Variants in TMPRSS11E observed in about 807,000 individuals in gnomAD.
The protein encoded by TMPRSS11E is transmembrane protease serine 11E.
TMPRSS11E carries 38 observed loss-of-function variants against 48.1 expected under a neutral mutation model. That is an observed-to-expected ratio of 0.79 (90% confidence interval 0.61 to 1.04). The LOEUF is 1.04. Ranked by LOEUF, TMPRSS11E falls within the 50% of genes least tolerant of loss-of-function variation. TMPRSS11E has a pLI of 0.00. For missense variants in TMPRSS11E, 530 were observed against 510.8 expected, an observed-to-expected ratio of 1.04 and a Z score of -0.36; for synonymous variants, 158 against 171.9, an observed-to-expected ratio of 0.92 and a Z score of 0.63.
Position 68,477,501 on chromosome 4 carries a change from T to C in TMPRSS11E, c.840T>C (p.Leu280=), listed in dbSNP as rs1240873447. 27 of 1,614,016 alleles carry C rather than the reference T, an allele frequency of 1.7e-5. No homozygotes were observed. The highest frequency in any genetic ancestry group is 2.2e-5 in the Non-Finnish European group (26 of 1,180,004). The change falls in exon 8 of 10, where the codon CTT becomes CTC. Residue 280 remains leucine, a synonymous_variant. Coordinates refer to ENST00000305363, the MANE Select transcript of TMPRSS11E (RefSeq NM_014058.4). Reference sequence around the variant, plus strand: ...CATCACATGACTATGATATTTCTCTTGCAGAGCTTTCTAGCCCTGTTCCCT... The same window carrying C: ...CATCACATGACTATGATATTTCTCTCGCAGAGCTTTCTAGCCCTGTTCCCT... ...KHPSHDYDIS[L]AELSSPVPYT...
At chr4:68,496,343 C>T (rs753882805) in intron 9 of TMPRSS11E, among the ~76,000 whole-genome samples, 5 of 151,742 alleles carry the variant, frequency 3.3e-5, no homozygotes, top group Non-Finnish European at 5.9e-5. Context: ...GTTATTTTGT[C>T]AGATGTGTCA....
At chr4:68,482,480 G>A (rs142081889) in intron 9 of TMPRSS11E, among the ~76,000 whole-genome samples, 1 of 151,434 alleles carries the variant, frequency 6.6e-6, no homozygotes, top group African/African-American at 2.4e-5. Flanking sequence ...TTGGCCAGAT[G>A]CAGTGGCTCA....
intron 9 of TMPRSS11E, among the ~76,000 whole-genome samples, chr4:68,482,134 T>A (rs542709064): frequency 6.6e-6 from 1 of 152,088 alleles, no homozygotes; most frequent in East Asian, 1.9e-4. Flanking sequence ...AGGGAGCAGG[T>A]ACATCACATG....
chr4:68,472,609 G>A (rs1402087291), intron 5 of TMPRSS11E, among the ~76,000 whole-genome samples: 1 of 151,972 alleles, frequency 6.6e-6, no homozygotes, highest in Non-Finnish European at 1.5e-5. Flanking sequence ...GACAAGTAGA[G>A]AGAATGAATA....
intron 1 of TMPRSS11E, among the ~76,000 whole-genome samples, chr4:68,455,209 T>G (rs1258041258): frequency 6.6e-6 from 1 of 151,908 alleles, no homozygotes; most frequent in Non-Finnish European, 1.5e-5. Flanking sequence ...AACAGAAAAA[T>G]GAGGCATTTG....
At chr4:68,486,869 A>T (rs1354666270) in intron 9 of TMPRSS11E, among the ~76,000 whole-genome samples, 1 of 152,178 alleles carries the variant, frequency 6.6e-6, no homozygotes, top group Non-Finnish European at 1.5e-5. Context: ...ACACTTTATC[A>T]CTTTGTTACA....
intron 9 of TMPRSS11E, among the ~76,000 whole-genome samples, chr4:68,491,023 T>C (rs1426775773): frequency 6.6e-6 from 1 of 152,018 alleles, no homozygotes; most frequent in African/African-American, 2.4e-5. Context: ...CCTTCCAACG[T>C]GCTGGGATTA....
intron 1 of TMPRSS11E, among the ~76,000 whole-genome samples, chr4:68,451,207 T>G (rs2109658110): frequency 6.6e-6 from 1 of 151,812 alleles, no homozygotes; most frequent in African/African-American, 2.4e-5. Context: ...AGGGTTAGAG[T>G]TTAGAGAAAC....
At position 68,468,905 on chromosome 4, in the gene TMPRSS11E, A is replaced by G. The variant is rs1728991484; in HGVS notation, c.285A>G (p.Pro95=). Residue 95 remains proline, a synonymous_variant, in exon 4 of 10, where the codon CCA becomes CCG. Coordinates refer to ENST00000305363, the MANE Select transcript of TMPRSS11E (RefSeq NM_014058.4). ...SMVKNAFYKS[P]LREEFVKSQV... is the part of the protein sequence containing the mutation. ...TGAAAAATGCATTTTATAAATCTCC[A>G]TTAAGGGAAGAATTTGTCAAGTCTC... The G allele has an allele frequency of 1.2e-6, 2 of 1,610,700 alleles. No individual in the cohort carries two copies. Among genetic ancestry groups the G allele is most frequent in the East Asian group, 4.5e-5 (2 of 44,794 alleles).
chr4:68,463,558 C>T (rs1319401093), intron 2 of TMPRSS11E, among the ~76,000 whole-genome samples: 1 of 152,190 alleles, frequency 6.6e-6, no homozygotes, highest in Non-Finnish European at 1.5e-5. Context: ...CTTCCTTGGC[C>T]TCCCAAAGTG....
At position 68,461,925 on chromosome 4, in the gene TMPRSS11E, CT is replaced by C; in HGVS notation, c.117del (p.Val40PhefsTer4). ...GTCCTGGCAGTGTGCATTGGACTCACTGTTCATTATGTGAGATATAGTAAGT... is the reference window on the plus strand; with the variant it reads ...GTCCTGGCAGTGTGCATTGGACTCACGTTCATTATGTGAGATATAGTAAGT... ...LIVLAVCIGL[T>X]VHYVRYNQKK... On this transcript the variant is annotated frameshift_variant, in exon 2 of 10. Coordinates refer to ENST00000305363, the MANE Select transcript of TMPRSS11E (RefSeq NM_014058.4). LOFTEE classifies it high-confidence loss of function. 1.9e-6 allele frequency: 3 copies of C among 1,614,156 alleles called. No individual in the cohort carries two copies. Among genetic ancestry groups the C allele is most frequent in the Non-Finnish European group, 2.5e-6 (3 of 1,179,998 alleles).
At chr4:68,476,184 A>G (rs868852413) in intron 6 of TMPRSS11E, 77 bp from the exon 7 acceptor site, 3 of 1,582,374 alleles carry the variant, frequency 1.9e-6, no homozygotes, top group Middle Eastern at 2.2e-4. Context: ...AATATGGGAC[A>G]TAGTAACACA....
intron 9 of TMPRSS11E, among the ~76,000 whole-genome samples, chr4:68,480,033 TGAG>T (rs1729360092): frequency 1.3e-5 from 2 of 152,146 alleles, no homozygotes; most frequent in African/African-American, 4.8e-5. Context: ...TTCCAATAGA[TGAG>T]GTGTCATTTC....
In TMPRSS11E at chr4:68,477,527, A is replaced by G. The variant is rs1729261325; in HGVS notation, c.866A>G (p.Tyr289Cys). The G allele has an allele frequency of 6.2e-7, 1 of 1,614,080 alleles. No homozygotes were observed. The highest frequency in any genetic ancestry group is 1.1e-5 in the South Asian group (1 of 91,070). ...GCAGAGCTTTCTAGCCCTGTTCCCT[A>G]CACAAATGCAGTACATAGAGTTTGT... ...SLAELSSPVP[Y>C]TNAVHRVCLP... The change falls in exon 8 of 10, where the codon TAC becomes TGC. Residue 289 changes from tyrosine to cysteine, a missense_variant. By Grantham distance (194) the Tyr-to-Cys change is radical. Transcript: ENST00000305363.
chr4:68,495,816 T>C (rs1305892889), intron 9 of TMPRSS11E, among the ~76,000 whole-genome samples: 3 of 152,160 alleles, frequency 2.0e-5, no homozygotes, highest in Non-Finnish European at 4.4e-5. Context: ...ATTAACCTAG[T>C]TCTATGTTTT....
At chr4:68,480,771 T>A (rs1476328367) in intron 9 of TMPRSS11E, among the ~76,000 whole-genome samples, 2 of 152,158 alleles carry the variant, frequency 1.3e-5, no homozygotes, top group African/African-American at 4.8e-5. Flanking sequence ...CTTTTAAATT[T>A]ATATTATTTT....
rs569344386 is a variant in TMPRSS11E at position 68,468,017 on chromosome 4, C to A, written c.259-862C>A. Among the ~76,000 whole-genome samples, 165 of 151,998 alleles carry A rather than the reference C, an allele frequency of 1.1e-3. 1 individual carries two copies. Among genetic ancestry groups the A allele is most frequent in the African/African-American group, 3.9e-3 (160 of 41,458 alleles). On this transcript the variant is annotated intron_variant, in intron 3 of 9. Transcript: ENST00000305363. Reference sequence around the variant, plus strand: ...TTGAAGTTACTTGACAAAAATTAACCCTTAAATAAAAATTTTCTTGTGAAT... The same window carrying A: ...TTGAAGTTACTTGACAAAAATTAACACTTAAATAAAAATTTTCTTGTGAAT...
chr4:68,488,975 A>G (rs1729641141), intron 9 of TMPRSS11E, among the ~76,000 whole-genome samples: 1 of 152,016 alleles, frequency 6.6e-6, no homozygotes, highest in Admixed American at 6.6e-5. Context: ...TCTGAATTCC[A>G]TGTCTGTCAT....
At chr4:68,492,595 C>T (rs1385871764) in intron 9 of TMPRSS11E, among the ~76,000 whole-genome samples, 1 of 152,120 alleles carries the variant, frequency 6.6e-6, no homozygotes, top group Non-Finnish European at 1.5e-5. Context: ...ATTTGGTAAG[C>T]TTTGTTTAGT....
Sources: allele counts gnomAD v4.1 joint callset (sites outside exome capture counted in the v4.1 genomes callset), GRCh38; gene constraint gnomAD v4.1.1; transcripts MANE v1.5; gene names NCBI Gene and HGNC (gene_info 2026-07-23, HGNC 2026-07-21).